ABCB1: variants seen among roughly 807,000 people sequenced by gnomAD.
ABCB1 encodes the protein ATP-dependent translocase ABCB1.
Under a neutral mutation model 142.0 loss-of-function variants are expected in ABCB1, and 69 were observed. The ratio of observed to expected loss-of-function variants is 0.49; its 90% CI spans 0.40 to 0.59. The LOEUF is 0.59. ABCB1 is among the 20% of genes least tolerant of loss of function. The pLI is 0.00. For synonymous variants in ABCB1, 532 were observed against 539.2 expected, an observed-to-expected ratio of 0.99 and a Z score of 0.18; for missense variants, 1,326 against 1,554.7, an observed-to-expected ratio of 0.85 and a Z score of 2.47.
intron 1 of ABCB1, chr7:87,650,692 G>T: frequency 1.6e-6 from 1 of 629,918 alleles, no homozygotes; most frequent in South Asian, 1.9e-5. Flanking sequence ...GAATAAATGG[G>T]GTTTTTCAGA....
chr7:87,594,469 T>C (rs142239499), intron 3 of ABCB1, among the ~76,000 whole-genome samples: 64 of 152,294 alleles, frequency 4.2e-4, no homozygotes, highest in African/African-American at 1.5e-3. Flanking sequence ...AGTAGGTCTG[T>C]TAAATTTTCT....
chr7:87,580,981 T>C (rs1818482532), intron 4 of ABCB1, among the ~76,000 whole-genome samples: 1 of 152,080 alleles, frequency 6.6e-6, no homozygotes, highest in Non-Finnish European at 1.5e-5. Context: ...CACCTGGTTT[T>C]TAGTTCTTAT....
intron 3 of ABCB1, among the ~76,000 whole-genome samples, chr7:87,592,458 A>G (rs1819035199): frequency 6.6e-6 from 1 of 152,208 alleles, no homozygotes; most frequent in Non-Finnish European, 1.5e-5. Context: ...TTGGAGCACC[A>G]AAGTGGAAAG....
At chr7:87,545,724 C>A in intron 15 of ABCB1, 139 bp downstream of exon 15, 1 of 845,708 alleles carries the variant, frequency 1.2e-6, no homozygotes, top group South Asian at 1.8e-5. Context: ...ATCTTAAACA[C>A]TGGTCTCATC....
At chr7:87,520,215 T>A (rs1815436467) in intron 22 of ABCB1, among the ~76,000 whole-genome samples, 1 of 148,190 alleles carries the variant, frequency 6.7e-6, no homozygotes, top group African/African-American at 2.5e-5. Flanking sequence ...GGCTCTACCA[T>A]CATTTTTTTT....
intron 1 of ABCB1, chr7:87,629,115 T>A: frequency 1.9e-6 from 1 of 534,560 alleles, no homozygotes; most frequent in Non-Finnish European, 2.9e-6. Flanking sequence ...GGGGCCCGGG[T>A]CTGGACACCG....
At chr7:87,669,964 G>A (rs1361621703) in intron 1 of ABCB1, among the ~76,000 whole-genome samples, 1 of 152,106 alleles carries the variant, frequency 6.6e-6, no homozygotes, top group Non-Finnish European at 1.5e-5. Flanking sequence ...TGATCTTCTT[G>A]TATAGAATCT....
At chr7:87,683,011 C>T (rs1827078550) in intron 1 of ABCB1, among the ~76,000 whole-genome samples, 1 of 152,200 alleles carries the variant, frequency 6.6e-6, no homozygotes, top group Non-Finnish European at 1.5e-5. Context: ...GATAAGTTAG[C>T]ACAACTTCTC....
chr7:87,704,194 T>C (rs552907776), intron 1 of ABCB1, among the ~76,000 whole-genome samples: 1 of 152,148 alleles, frequency 6.6e-6, no homozygotes, highest in Non-Finnish European at 1.5e-5. Flanking sequence ...GTGCTGGGAT[T>C]ATAGGCATGA....
At chr7:87,585,450 C>T in intron 4 of ABCB1, 62 bp downstream of exon 4, 2 of 1,545,298 alleles carry the variant, frequency 1.3e-6, no homozygotes, top group Non-Finnish European at 1.8e-6. Context: ...CCATAAACAT[C>T]ACTCTAAGTG....
At chr7:87,644,678 T>A (rs895198986) in intron 1 of ABCB1, among the ~76,000 whole-genome samples, 5 of 152,242 alleles carry the variant, frequency 3.3e-5, no homozygotes, top group Non-Finnish European at 5.9e-5. Context: ...TGAAGCATAT[T>A]GGATAAATGG....
chr7:87,596,549 T>C (rs1819216568), intron 2 of ABCB1, among the ~76,000 whole-genome samples: 1 of 152,092 alleles, frequency 6.6e-6, no homozygotes, highest in South Asian at 2.1e-4. Flanking sequence ...CTACTCTGTG[T>C]AACTGCTACC....
At chr7:87,546,567 AT>A (rs1184877513) in intron 14 of ABCB1, among the ~76,000 whole-genome samples, 2 of 148,170 alleles carry the variant, frequency 1.3e-5, no homozygotes, top group African/African-American at 2.5e-5. Flanking sequence ...AAAAAAAAAA[AT>A]AAAAAATAAA....
intron 4 of ABCB1, among the ~76,000 whole-genome samples, chr7:87,580,860 G>C (rs896540637): frequency 6.6e-6 from 1 of 151,900 alleles, no homozygotes; most frequent in African/African-American, 2.4e-5. Context: ...TTCAGTATGT[G>C]CTGCTGGTGG....
chr7:87,571,711 C>G (rs1356925247), intron 4 of ABCB1, among the ~76,000 whole-genome samples: 1 of 152,188 alleles, frequency 6.6e-6, no homozygotes, highest in Non-Finnish European at 1.5e-5. Context: ...TGGTCTTGAA[C>G]ATTTTTGTTT....
intron 1 of ABCB1, among the ~76,000 whole-genome samples, chr7:87,667,457 C>G (rs2130493825): frequency 6.6e-6 from 1 of 151,722 alleles, no homozygotes; most frequent in Admixed American, 6.6e-5. Flanking sequence ...TTAACTTTCT[C>G]TTTTCCTATT....
Position 87,549,306 on chromosome 7 carries a change from T to C in ABCB1, c.1725+42A>G, listed in dbSNP as rs754369053. 1.7e-5 allele frequency: 27 copies of C among 1,613,152 alleles called. No individual in the cohort carries two copies. In the African/African-American group the frequency reaches 3.3e-4, roughly 20 times the overall value. On this transcript the variant is annotated intron_variant, in intron 14 of 27. Transcript: ENST00000622132. The stretch of plus-strand genomic sequence containing the variant: ...ACAAGAATTAGTAGTAGAATGTTCT[T>C]ATGCTTATAAATCAGGTTGGTTTGA...
chr7:87,629,609 G>GA (rs1820992726), intron 1 of ABCB1, among the ~76,000 whole-genome samples: 1 of 152,046 alleles, frequency 6.6e-6, no homozygotes, highest in Admixed American at 6.6e-5. Context: ...ATTTCCTTCA[G>GA]AAAAATATAG....
chr7:87,616,782 C>T (rs1337187468), intron 1 of ABCB1, among the ~76,000 whole-genome samples: 1 of 152,166 alleles, frequency 6.6e-6, no homozygotes, highest in Non-Finnish European at 1.5e-5. Flanking sequence ...AAGAGCAAAA[C>T]TAAGAGCCAT....
Sources: allele counts gnomAD v4.1 joint callset (sites outside exome capture counted in the v4.1 genomes callset), GRCh38; gene constraint gnomAD v4.1.1; transcripts MANE v1.5; gene names NCBI Gene and HGNC (gene_info 2026-07-23, HGNC 2026-07-21).